The following CRTAP variants were observed in gnomAD, a reference collection of about 807,000 sequenced individuals.
CRTAP encodes cartilage associated protein, also known as cartilage-associated protein.
Under a neutral mutation model 42.7 loss-of-function variants are expected in CRTAP, and 33 were observed. The ratio of observed to expected loss-of-function variants is 0.77; its 90% CI spans 0.59 to 1.03. The LOEUF (loss-of-function observed/expected upper bound fraction) is 1.03. Ranked by LOEUF, CRTAP falls within the 50% of genes least tolerant of loss-of-function variation. The pLI is 0.00. For synonymous variants in CRTAP, 243 were observed against 217.7 expected (o/e 1.12, Z -1.02); for missense variants, 613 against 533.9 (o/e 1.15, Z -1.46).
At chr3:33,127,080 T>G (rs1227970848) in intron 3 of CRTAP, among the ~76,000 whole-genome samples, 1 of 147,840 alleles carries the variant, frequency 6.8e-6, no homozygotes, top group African/African-American at 2.5e-5. Context: ...TGTGGGCAAA[T>G]TATGAGAGAG....
intron 6 of CRTAP, among the ~76,000 whole-genome samples, chr3:33,140,388 A>G (rs1200610451): frequency 1.3e-5 from 2 of 152,262 alleles, no homozygotes; most frequent in African/African-American, 4.8e-5. Context: ...ATTGTGGAAG[A>G]ACTAATCCAT....
In CRTAP at chr3:33,145,406, C is replaced by T. The variant is rs1333890486; in HGVS notation, c.*2958C>T. 6.6e-6 allele frequency: 1 copy of T among 152,418 alleles called. No individual in the cohort carries two copies. The highest frequency in any genetic ancestry group is 2.4e-5 in the African/African-American group (1 of 41,458). The allele number at this position is 152,418 out of a possible 1,614,324, so 9.4% of individuals were successfully genotyped here. On this transcript the variant is annotated 3_prime_UTR_variant, in exon 7 of 7. Coordinates refer to ENST00000320954, the MANE Select transcript of CRTAP (RefSeq NM_006371.5). This position sits in a 1 kb window ranked among gnomAD's most constrained non-coding sequence, Gnocchi z 4.3. Reference sequence around the variant, plus strand: ...GCAGCCCCCAATCCCAGCGATGCGTCAGATCTTACGTGGCTTCCTGCTGGG... The same window carrying T: ...GCAGCCCCCAATCCCAGCGATGCGTTAGATCTTACGTGGCTTCCTGCTGGG...
At chr3:33,140,752 A>G (rs2030548667) in intron 6 of CRTAP, among the ~76,000 whole-genome samples, 1 of 152,242 alleles carries the variant, frequency 6.6e-6, no homozygotes, top group Admixed American at 6.5e-5. Flanking sequence ...CAAAAGAAAT[A>G]GAATATAATT....
At position 33,120,503 on chromosome 3, in the gene CRTAP, G is replaced by A; in HGVS notation, c.621+10G>A. 6.2e-7 allele frequency: 1 copy of A among 1,601,422 alleles called. No individual in the cohort carries two copies. The highest frequency in any genetic ancestry group is 8.5e-7 in the Non-Finnish European group (1 of 1,173,316). ...AACCAAGTCATATGAAGTATGTTTG[G>A]ATTTTTATGTGGCAGTTAGTGGCAA... On this transcript the variant is annotated intron_variant, in intron 2 of 6. Coordinates refer to ENST00000320954, the MANE Select transcript of CRTAP (RefSeq NM_006371.5).
Position 33,114,115 on chromosome 3 carries a change from C to T in CRTAP, c.38C>T (p.Ala13Val). ...PGRRGAAALL[A>V]LLCVACALRA... ...CGCCGGGGGGCCGCGGCGCTGCTAG[C>T]GCTGCTGTGCGTGGCCTGCGCGCTG... Residue 13 changes from alanine to valine, a missense_variant, in exon 1 of 7, where the codon GCG becomes GTG. Ala to Val is a moderately conservative substitution (Grantham distance 64, BLOSUM62 0). Transcript: ENST00000320954. 6.6e-7 allele frequency: 1 copy of T among 1,525,584 alleles called. No individual in the cohort carries two copies. The highest frequency in any genetic ancestry group is 8.7e-7 in the Non-Finnish European group (1 of 1,147,182). 94.5% of individuals were successfully genotyped at this position (1,525,584 alleles called of 1,614,324 possible). A position where few individuals can be genotyped will look rare whatever the true frequency, so the allele number is the denominator to read the frequency against.
intron 2 of CRTAP, among the ~76,000 whole-genome samples, chr3:33,121,355 T>A (rs555108221): frequency 1.3e-5 from 2 of 150,672 alleles, no homozygotes; most frequent in Admixed American, 6.6e-5. Context: ...GAGGTTGCAA[T>A]GAGCTGAGAT....
In CRTAP at chr3:33,145,318, TCCCAG is replaced by T. The variant is rs1443658585; in HGVS notation, c.*2872_*2876del. 1 of 152,350 alleles carries T rather than the reference TCCCAG, an allele frequency of 6.6e-6. No individual in the cohort carries two copies. 9.4% of individuals were successfully genotyped at this position (152,350 alleles called of 1,614,324 possible). A position where few individuals can be genotyped will look rare whatever the true frequency, so the allele number is the denominator to read the frequency against. On this transcript the variant is annotated 3_prime_UTR_variant, in exon 7 of 7. Coordinates refer to ENST00000320954, the MANE Select transcript of CRTAP (RefSeq NM_006371.5). This position sits in a 1 kb window ranked among gnomAD's most constrained non-coding sequence, Gnocchi z 4.3. Reference sequence around the variant, plus strand: ...TTGCCCACGTCCACAAAATCTGTACTCCCAGCGGGGGTGTTTGGCCCGAGGAGTCA... The same window carrying T: ...TTGCCCACGTCCACAAAATCTGTACTCGGGGGTGTTTGGCCCGAGGAGTCA...
intron 6 of CRTAP, among the ~76,000 whole-genome samples, chr3:33,141,947 C>T (rs756861894): frequency 1.3e-5 from 2 of 152,168 alleles, no homozygotes; most frequent in Non-Finnish European, 2.9e-5. Flanking sequence ...ATGTATTGAG[C>T]ACCTTCTGTG....
intron 5 of CRTAP, among the ~76,000 whole-genome samples, chr3:33,132,931 A>T (rs2030312159): frequency 6.6e-6 from 1 of 152,076 alleles, no homozygotes; most frequent in Non-Finnish European, 1.5e-5. Context: ...TACAAAAATT[A>T]GCCAGGCGTG....
intron 4 of CRTAP, among the ~76,000 whole-genome samples, chr3:33,132,016 C>A (rs2030280737): frequency 6.6e-6 from 1 of 151,894 alleles, no homozygotes; most frequent in African/African-American, 2.4e-5. Flanking sequence ...AGCAGAGAGG[C>A]TGGAGGTGGG....
At chr3:33,119,953 G>A (rs1701396691) in intron 1 of CRTAP, among the ~76,000 whole-genome samples, 1 of 152,186 alleles carries the variant, frequency 6.6e-6, no homozygotes, top group Non-Finnish European at 1.5e-5. Context: ...GACTGTGCAG[G>A]GAGGGAACCA....
Position 33,133,467 on chromosome 3 carries a change from C to G in CRTAP, c.1069-715C>G, listed in dbSNP as rs371821668. ...AGAGATGGGGTTTCGCTGGGCTAGT[C>G]TCGAACTCCTGGCTTCAGGTGATCT... On this transcript the variant is annotated intron_variant, in intron 5 of 6. Coordinates refer to ENST00000320954, the MANE Select transcript of CRTAP (RefSeq NM_006371.5). Among the ~76,000 whole-genome samples, 4 of 151,840 alleles carry G rather than the reference C, an allele frequency of 2.6e-5. No homozygotes were observed. The South Asian group carries it at 6.3e-4, about 24-fold the overall frequency.
intron 5 of CRTAP, among the ~76,000 whole-genome samples, chr3:33,133,690 C>T (rs142510644): frequency 3.9e-5 from 6 of 152,162 alleles, no homozygotes; most frequent in Admixed American, 2.0e-4. Context: ...GACAATTTGT[C>T]GTGAATATTT....
chr3:33,135,487 G>C (rs1035261149), intron 6 of CRTAP, among the ~76,000 whole-genome samples: 1 of 152,042 alleles, frequency 6.6e-6, no homozygotes, highest in Non-Finnish European at 1.5e-5. Flanking sequence ...AAATTAGCTG[G>C]GTATGGTGGA....
chr3:33,129,832 C>T (rs772001816), intron 3 of CRTAP, 107 bp from the exon 4 acceptor site: 250 of 1,172,308 alleles, frequency 2.1e-4, no homozygotes, highest in Non-Finnish European at 2.6e-4. Context: ...CCACCGCGCC[C>T]GGCCTGTAAA....
chr3:33,129,576 T>C (rs531987870), intron 3 of CRTAP, among the ~76,000 whole-genome samples: 19 of 149,208 alleles, frequency 1.3e-4, no homozygotes, highest in South Asian at 2.1e-4. Flanking sequence ...CTTGCTCTGT[T>C]GCCCAGGCTG....
At chr3:33,124,973 T>C (rs979833191) in intron 3 of CRTAP, among the ~76,000 whole-genome samples, 13 of 152,234 alleles carry the variant, frequency 8.5e-5, no homozygotes, top group Admixed American at 7.8e-4. Flanking sequence ...TGGCCATCAC[T>C]AAGGTAGCTT....
intron 3 of CRTAP, among the ~76,000 whole-genome samples, chr3:33,125,755 TTTTTAAACATAACACCAAAC>T (rs2030047644): frequency 6.6e-6 from 1 of 152,178 alleles, no homozygotes; most frequent in Non-Finnish European, 1.5e-5. Flanking sequence ...GACTCTTTGT[TTTTTAAACATAACACCAAAC>T]TATTACCCCT....
chr3:33,131,245 G>T (rs968855619), intron 4 of CRTAP, among the ~76,000 whole-genome samples: 1 of 148,814 alleles, frequency 6.7e-6, no homozygotes, highest in South Asian at 2.1e-4. Flanking sequence ...TCCCACTGTG[G>T]TAATTGTGTT....
Sources: allele counts gnomAD v4.1 joint callset (sites outside exome capture counted in the v4.1 genomes callset), GRCh38; gene constraint gnomAD v4.1.1; non-coding constraint Gnocchi (gnomAD v3.1); transcripts MANE v1.5; gene names NCBI Gene and HGNC (gene_info 2026-07-23, HGNC 2026-07-21).